DNAH5: variants seen among roughly 807,000 people sequenced by gnomAD.
DNAH5 encodes axonemal beta dynein heavy chain 5.
DNAH5 carries 372 observed loss-of-function variants against 518.2 expected under a neutral mutation model. The ratio of observed to expected loss-of-function variants is 0.72; its 90% CI spans 0.66 to 0.78. The LOEUF (loss-of-function observed/expected upper bound fraction) is 0.78, where lower values mean the gene tolerates loss of function less well. DNAH5 is among the 30% of genes least tolerant of loss of function. DNAH5 has a pLI of 0.00. For synonymous variants in DNAH5, 2,039 were observed against 2,025.9 expected (o/e 1.01, Z -0.17); for missense variants, 5,523 against 5,687.0 (o/e 0.97, Z 0.93).
chr5:13,872,350 A>G (rs1770246121), intron 22 of DNAH5, among the ~76,000 whole-genome samples: 1 of 152,338 alleles, frequency 6.6e-6, no homozygotes, highest in African/African-American at 2.4e-5. Flanking sequence ...TATAATTCAT[A>G]TAACTAGAAT....
At chr5:13,962,835 T>A (rs968536654) in intron 1 of DNAH5, among the ~76,000 whole-genome samples, 2 of 152,062 alleles carry the variant, frequency 1.3e-5, no homozygotes, top group African/African-American at 4.8e-5. Context: ...CAAAATTTGG[T>A]CAGGGAAGGG....
At chr5:13,886,504 A>G (rs919837342) in intron 17 of DNAH5, among the ~76,000 whole-genome samples, 1 of 152,208 alleles carries the variant, frequency 6.6e-6, no homozygotes, top group African/African-American at 2.4e-5. Flanking sequence ...TCATCCCCTC[A>G]TTAATTTCAA....
rs767823262 is a variant in DNAH5, at chr5:13,718,951, G to A, written c.12430C>T (p.Gln4144Ter). The A allele has an allele frequency of 1.2e-6, 2 of 1,614,132 alleles. No homozygotes were observed. Among genetic ancestry groups the A allele is most frequent in the East Asian group, 2.2e-5 (1 of 44,874 alleles). ...AHKQFPITLL[Q>*]MSIKFANDPP... ...TCGTTGGCAAATTTAATGGACATCTGAAGGAGTGTAATGGGAAACTGCTTA... is the reference window on the plus strand; with the variant it reads ...TCGTTGGCAAATTTAATGGACATCTAAAGGAGTGTAATGGGAAACTGCTTA... The change falls in exon 72 of 79, where the codon CAG (glutamine) becomes TAG (stop). Residue 4144 changes from glutamine (Q) to a stop codon, truncating the protein, a stop_gained. Coordinates refer to ENST00000265104, the MANE Select transcript of DNAH5 (RefSeq NM_001369.3). LOFTEE classifies it high-confidence loss of function.
At position 13,762,795 on chromosome 5, in the gene DNAH5, A is replaced by G; in HGVS notation, c.10208T>C (p.Val3403Ala). The G allele has an allele frequency of 6.2e-7, 1 of 1,614,186 alleles. No homozygotes were observed. The highest frequency in any genetic ancestry group is 8.5e-7 in the Non-Finnish European group (1 of 1,179,986). ...IETAKRVCGN[V>A]AGLCSWTKAM... is the part of the protein sequence containing the mutation. ...TTTCGTCCAGGAACAAAGACCAGCT[A>G]CATTTCCACATACGCGTTTAGCAGT... The change falls in exon 60 of 79, where the codon GTA becomes GCA. Residue 3403 changes from valine (V) to alanine (A), a missense_variant. Around this residue, in one of 3 missense-constraint regions of DNAH5, gnomAD observed 5,121 missense variants for 5,223.3 expected, o/e 0.98. Transcript: ENST00000265104.
chr5:13,770,696 C>T, intron 56 of DNAH5, 53 bp downstream of exon 56: 2 of 1,536,462 alleles, frequency 1.3e-6, no homozygotes, highest in Non-Finnish European at 1.8e-6. Flanking sequence ...AAATCTGTCC[C>T]TGGTTGAGAG....
intron 1 of DNAH5, among the ~76,000 whole-genome samples, chr5:13,958,956 T>G (rs1780961516): frequency 6.6e-6 from 1 of 151,876 alleles, no homozygotes; most frequent in Non-Finnish European, 1.5e-5. Flanking sequence ...CAACAGCCTT[T>G]TTGTTGTTGT....
chr5:13,972,385 A>C (rs1254463773), intron 1 of DNAH5, among the ~76,000 whole-genome samples: 1 of 152,146 alleles, frequency 6.6e-6, no homozygotes, highest in African/African-American at 2.4e-5. Flanking sequence ...AAATTGTTAC[A>C]AAGTTCAATT....
chr5:13,801,191 T>C (rs1182063473), intron 47 of DNAH5, among the ~76,000 whole-genome samples: 1 of 152,172 alleles, frequency 6.6e-6, no homozygotes, highest in African/African-American at 2.4e-5. Context: ...AGGTGGTTTC[T>C]AACGGTTTAG....
chr5:13,790,984 T>C (rs921766188), intron 50 of DNAH5, among the ~76,000 whole-genome samples: 2 of 152,118 alleles, frequency 1.3e-5, no homozygotes, highest in African/African-American at 2.4e-5. Flanking sequence ...GATTAATACC[T>C]GGGTGATGAA....
chr5:13,933,328 T>C (rs1257802500), intron 1 of DNAH5, among the ~76,000 whole-genome samples: 1 of 152,204 alleles, frequency 6.6e-6, no homozygotes, highest in African/African-American at 2.4e-5. Flanking sequence ...AGGTGGTATG[T>C]GCATTCAATA....
intron 17 of DNAH5, among the ~76,000 whole-genome samples, chr5:13,890,079 T>C (rs1435368853): frequency 1.3e-5 from 2 of 152,200 alleles, no homozygotes; most frequent in African/African-American, 4.8e-5. Context: ...GTATCCCATT[T>C]GCAAATGTGT....
chr5:13,950,060 G>A (rs540360919), intron 1 of DNAH5, among the ~76,000 whole-genome samples: 1 of 152,174 alleles, frequency 6.6e-6, no homozygotes, highest in Admixed American at 6.5e-5. Flanking sequence ...CATGCTGAAA[G>A]TAACTGCAAT....
chr5:13,956,459 G>A (rs893323186), intron 1 of DNAH5, among the ~76,000 whole-genome samples: 2 of 152,106 alleles, frequency 1.3e-5, no homozygotes, highest in African/African-American at 4.8e-5. Context: ...CCTTGAAGGT[G>A]TCCTTTTTCA....
chr5:13,918,342 C>T (rs1219801039), intron 7 of DNAH5, among the ~76,000 whole-genome samples: 4 of 152,170 alleles, frequency 2.6e-5, no homozygotes, highest in East Asian at 1.9e-4. Context: ...ATCTTCCCCG[C>T]GTTGAGCCCT....
intron 47 of DNAH5, among the ~76,000 whole-genome samples, chr5:13,799,837 CTTTA>C (rs1255148738): frequency 6.6e-6 from 1 of 152,082 alleles, no homozygotes; most frequent in Non-Finnish European, 1.5e-5. Context: ...CCTATATACA[CTTTA>C]TATATATAAC....
chr5:13,819,170 T>A (rs1761896749), intron 41 of DNAH5, among the ~76,000 whole-genome samples: 1 of 152,194 alleles, frequency 6.6e-6, no homozygotes, highest in African/African-American at 2.4e-5. Flanking sequence ...AACAAAAATA[T>A]TATTGAGAAA....
At chr5:13,956,106 G>A (rs17291762) in intron 1 of DNAH5, among the ~76,000 whole-genome samples, 31,286 of 152,074 alleles carry the variant, frequency 0.21, 4,152 homozygotes, top group Non-Finnish European at 0.3. Flanking sequence ...CATCTCTGCT[G>A]GTCACTGTCC....
At chr5:13,900,949 C>T (rs796588965) in intron 14 of DNAH5, among the ~76,000 whole-genome samples, 23 of 152,254 alleles carry the variant, frequency 1.5e-4, no homozygotes, top group African/African-American at 5.3e-4. Flanking sequence ...TAGGATCTGA[C>T]TGAATTTTAA....
intron 52 of DNAH5, among the ~76,000 whole-genome samples, chr5:13,783,842 C>T (rs1008837210): frequency 1.3e-5 from 2 of 152,188 alleles, no homozygotes; most frequent in Non-Finnish European, 2.9e-5. Flanking sequence ...CAGCATGACA[C>T]AGAGCGTGGA....
Sources: gnomAD v4.1 joint callset for allele counts (sites outside exome capture counted in the v4.1 genomes callset) on GRCh38, gnomAD v4.1.1 for gene constraint, gnomAD v4.1.1 regional missense constraint, MANE v1.5 for transcripts, NCBI Gene and HGNC (gene_info 2026-07-23, HGNC 2026-07-21) for gene names.